SLC4A4: variants seen among roughly 807,000 people sequenced by gnomAD.
The protein encoded by SLC4A4 is electrogenic sodium bicarbonate cotransporter 1.
A neutral mutation model predicts 111.5 loss-of-function variants in SLC4A4; 27 were observed. The observed-to-expected ratio is 0.24, with a 90% CI of 0.18 to 0.33. The LOEUF (loss-of-function observed/expected upper bound fraction) is 0.33. Ranked by LOEUF, SLC4A4 falls within the 10% of genes least tolerant of loss-of-function variation. The pLI is 1.00. For missense variants in SLC4A4, 909 were observed against 1,315.5 expected (o/e 0.69, Z 4.78); for synonymous variants, 443 against 463.4 (o/e 0.96, Z 0.57).
Position 71,500,286 on chromosome 4 carries a change from T to C in SLC4A4, c.2166+2594T>C, listed in dbSNP as rs543948235. Among the ~76,000 whole-genome samples, 21 of 152,344 alleles carry C rather than the reference T, an allele frequency of 1.4e-4. No homozygotes were observed. In the South Asian group the frequency reaches 3.9e-3, roughly 29 times the overall value. ...TATTAGGTGAATTGCTGTTCAGTTT[T>C]AGTTTGATGCAATCCTGTTTGTCTA... On this transcript the variant is annotated intron_variant, in intron 16 of 25. Transcript: ENST00000264485.
intron 2 of SLC4A4, among the ~76,000 whole-genome samples, chr4:71,168,390 C>T (rs1332915613): frequency 6.6e-6 from 1 of 151,728 alleles, no homozygotes; most frequent in Non-Finnish European, 1.5e-5. Context: ...ACCATGTTGG[C>T]CAGGCTGGTC....
intron 16 of SLC4A4, among the ~76,000 whole-genome samples, chr4:71,511,374 A>G (rs942358928): frequency 1.3e-5 from 2 of 151,872 alleles, no homozygotes; most frequent in Non-Finnish European, 2.9e-5. Flanking sequence ...GATAGATGGT[A>G]TTCTTTTTTG....
chr4:71,433,104 A>G (rs548549466), intron 7 of SLC4A4, among the ~76,000 whole-genome samples: 1 of 152,196 alleles, frequency 6.6e-6, no homozygotes, highest in South Asian at 2.1e-4. Flanking sequence ...TGACTGTGTT[A>G]AGCAGCCTTC....
rs549881725 is a variant in SLC4A4, at chr4:71,403,872, C to T, written c.807+6219C>T. 4.6e-5 allele frequency among the ~76,000 whole-genome samples: 7 copies of T among 152,110 alleles called. No homozygotes were observed. The South Asian group carries it at 1.5e-3, about 32-fold the overall frequency. On this transcript the variant is annotated intron_variant, in intron 7 of 25. Transcript: ENST00000264485. ...TGTGTTGGATCGTCTGGTGTTATTCCTATATTAAGTATTGTATGAATATCC... is the reference window on the plus strand; with the variant it reads ...TGTGTTGGATCGTCTGGTGTTATTCTTATATTAAGTATTGTATGAATATCC...
intron 2 of SLC4A4, among the ~76,000 whole-genome samples, chr4:71,247,770 T>G (rs1720785686): frequency 6.6e-6 from 1 of 152,148 alleles, no homozygotes. Flanking sequence ...TACAATGCAG[T>G]AGCCCGTGTG....
rs1333891491 is a variant in SLC4A4, at chr4:71,453,636, A to G, written c.1464A>G (p.Gly488=). ...LATVTNAITF[G]GLLGDATDNM... is the part of the protein sequence containing the mutation. The stretch of plus-strand genomic sequence containing the variant: ...CTGTAACTAATGCTATCACTTTTGG[A>G]GGACTGCTTGGGGATGCCACTGACA... Residue 488 remains glycine (G), a synonymous_variant, in exon 12 of 26, where the codon GGA becomes GGG. Coordinates refer to ENST00000264485, the MANE Select transcript of SLC4A4 (RefSeq NM_001098484.3). The G allele has an allele frequency of 1.2e-6, 2 of 1,613,916 alleles. No homozygotes were observed. The highest frequency in any genetic ancestry group is 2.2e-5 in the South Asian group (2 of 91,080).
At chr4:71,512,279 C>T (rs914959511) in intron 16 of SLC4A4, among the ~76,000 whole-genome samples, 1 of 152,060 alleles carries the variant, frequency 6.6e-6, no homozygotes, top group Non-Finnish European at 1.5e-5. Context: ...TAAAACATTT[C>T]CTCTTTCTCT....
chr4:71,529,148 T>C (rs189737395), intron 16 of SLC4A4, among the ~76,000 whole-genome samples: 1 of 152,216 alleles, frequency 6.6e-6, no homozygotes, highest in Admixed American at 6.5e-5. Flanking sequence ...AAGAAATGGA[T>C]AGCTTCCCAA....
At chr4:71,225,814 A>G (rs1251103282) in intron 1 of SLC4A4, among the ~76,000 whole-genome samples, 6 of 152,220 alleles carry the variant, frequency 3.9e-5, no homozygotes, top group Non-Finnish European at 7.3e-5. Flanking sequence ...ATCTGAGATC[A>G]CTGTGAAATC....
chr4:71,155,918 C>T (rs1050513550), intron 2 of SLC4A4, among the ~76,000 whole-genome samples: 3 of 152,124 alleles, frequency 2.0e-5, no homozygotes, highest in Non-Finnish European at 4.4e-5. Flanking sequence ...GCAAATTTTG[C>T]CTTTCTTGGT....
Position 71,321,931 on chromosome 4 carries a change from C to A in SLC4A4, c.254-17439C>A, listed in dbSNP as rs115836723. Among the ~76,000 whole-genome samples the A allele has an allele frequency of 2.5e-3, 380 of 152,092 alleles. 1 individual carries two copies. Among genetic ancestry groups the A allele is most frequent in the African/African-American group, 8.2e-3 (342 of 41,534 alleles). On this transcript the variant is annotated intron_variant, in intron 3 of 25. Coordinates refer to ENST00000264485, the MANE Select transcript of SLC4A4 (RefSeq NM_001098484.3). ...TGTCAAGTAGGAAGTGTTGGAGGAT[C>A]TGTTATATTTATTTTTTCTTTACTG... is the stretch of plus-strand genomic sequence containing the variant.
chr4:71,109,917 A>G (rs1049111938), intron 2 of SLC4A4, among the ~76,000 whole-genome samples: 1 of 152,174 alleles, frequency 6.6e-6, no homozygotes, highest in Non-Finnish European at 1.5e-5. Context: ...AGTTGTGTGC[A>G]AGGTTGCTCT....
At chr4:71,142,090 T>G (rs1156954463) in intron 2 of SLC4A4, among the ~76,000 whole-genome samples, 1 of 152,164 alleles carries the variant, frequency 6.6e-6, no homozygotes, top group African/African-American at 2.4e-5. Flanking sequence ...TAGAGACAGG[T>G]TTAATCAAAG....
intron 5 of SLC4A4, among the ~76,000 whole-genome samples, chr4:71,353,710 T>TC (rs1560434770): frequency 6.6e-6 from 1 of 151,970 alleles, no homozygotes; most frequent in Non-Finnish European, 1.5e-5. Flanking sequence ...AAGATGCATC[T>TC]CCCCCCGCAC....
intron 3 of SLC4A4, among the ~76,000 whole-genome samples, chr4:71,287,255 A>G (rs1723985121): frequency 6.6e-6 from 1 of 152,244 alleles, no homozygotes; most frequent in African/African-American, 2.4e-5. Flanking sequence ...TCTAATAGGA[A>G]GGAAAGCAGA....
rs115265214 is a variant in SLC4A4, at chr4:71,281,255, C to T, written c.253+25856C>T. 6.6e-3 allele frequency among the ~76,000 whole-genome samples: 998 copies of T among 152,302 alleles called. 15 individuals carry two copies. Among genetic ancestry groups the T allele is most frequent in the African/African-American group, 0.023 (940 of 41,550 alleles). ...GCAGTGGGCCTGGAGTCACATTCAACGCTCTGCTTAAGGGCTGCAAATTGG... is the reference window on the plus strand; with the variant it reads ...GCAGTGGGCCTGGAGTCACATTCAATGCTCTGCTTAAGGGCTGCAAATTGG... On this transcript the variant is annotated intron_variant, in intron 3 of 25. Transcript: ENST00000264485.
chr4:71,505,651 A>C (rs1485381921), intron 16 of SLC4A4, among the ~76,000 whole-genome samples: 2 of 151,974 alleles, frequency 1.3e-5, no homozygotes, highest in Non-Finnish European at 2.9e-5. Flanking sequence ...GTCTGTTTAC[A>C]ATGATGATCG....
chr4:71,072,870 C>G (rs1412886801), intron 1 of SLC4A4, among the ~76,000 whole-genome samples: 2 of 151,994 alleles, frequency 1.3e-5, no homozygotes, highest in African/African-American at 4.8e-5. Flanking sequence ...TGGGCTTAAG[C>G]GATCCTCCCA....
intron 3 of SLC4A4, chr4:71,300,519 G>A: frequency 8.1e-6 from 2 of 247,648 alleles, no homozygotes; most frequent in South Asian, 6.5e-5. Context: ...CTGGGCCGGG[G>A]CCACTAGCGG....
Sources: gnomAD v4.1 joint callset for allele counts (sites outside exome capture counted in the v4.1 genomes callset) on GRCh38, gnomAD v4.1.1 for gene constraint, MANE v1.5 for transcripts, NCBI Gene and HGNC (gene_info 2026-07-23, HGNC 2026-07-21) for gene names.